The following ARL6IP5 variants were observed in gnomAD, a reference collection of about 807,000 sequenced individuals.
ARL6IP5 encodes the protein ARF like GTPase 6 interacting protein 5, also known as PRA1 family protein 3.
In ARL6IP5, 6 loss-of-function variants were observed where a neutral mutation model predicts 13.0. That is an observed-to-expected ratio of 0.46 (90% CI 0.25 to 0.91). The LOEUF is 0.91. Ranked by LOEUF, ARL6IP5 falls within the 40% of genes least tolerant of loss-of-function variation. ARL6IP5 has a pLI of 0.17. For synonymous variants in ARL6IP5, 91 were observed against 91.9 expected, an observed-to-expected ratio of 0.99 and a Z score of 0.06; for missense variants, 208 against 248.8, an observed-to-expected ratio of 0.84 and a Z score of 1.10.
At chr3:69,102,502 T>A (rs2092308876) in intron 2 of ARL6IP5, among the ~76,000 whole-genome samples, 1 of 152,158 alleles carries the variant, frequency 6.6e-6, no homozygotes, top group South Asian at 2.1e-4. Context: ...TTGAGTGATC[T>A]AGCTTCCTTG....
intron 1 of ARL6IP5, among the ~76,000 whole-genome samples, chr3:69,097,206 G>A (rs1216254480): frequency 6.6e-6 from 1 of 151,984 alleles, no homozygotes; most frequent in African/African-American, 2.4e-5. Flanking sequence ...TGTTACCCAG[G>A]CTAGAGTATA....
intron 1 of ARL6IP5, among the ~76,000 whole-genome samples, chr3:69,093,669 G>A (rs2092277105): frequency 1.3e-5 from 2 of 151,910 alleles, no homozygotes; most frequent in African/African-American, 4.8e-5. Context: ...GGCTGAGGCA[G>A]GAGAATTGTT....
chr3:69,101,569 C>A (rs1279447767), intron 1 of ARL6IP5, among the ~76,000 whole-genome samples: 2 of 151,994 alleles, frequency 1.3e-5, no homozygotes, highest in South Asian at 2.1e-4. Flanking sequence ...GATCCTCCCA[C>A]CTTGGCCTCT....
intron 1 of ARL6IP5, among the ~76,000 whole-genome samples, chr3:69,092,717 A>G (rs1169643813): frequency 6.6e-6 from 1 of 151,752 alleles, no homozygotes; most frequent in Non-Finnish European, 1.5e-5. Context: ...ACGGGGTTTC[A>G]CCATGTTGGC....
chr3:69,102,479 C>T (rs1376388539), intron 2 of ARL6IP5, among the ~76,000 whole-genome samples: 10 of 152,124 alleles, frequency 6.6e-5, no homozygotes, highest in Admixed American at 3.9e-4. Flanking sequence ...AGGCTGATCT[C>T]GGACTCCCAA....
At position 69,085,036 on chromosome 3, in the gene ARL6IP5, A is replaced by T. The variant is rs368886970; in HGVS notation, c.-12A>T. The T allele has an allele frequency of 6.2e-7, 1 of 1,611,344 alleles. No individual in the cohort carries two copies. Among genetic ancestry groups the T allele is most frequent in the South Asian group, 1.1e-5 (1 of 90,910 alleles). ...GCCAGATTCTGGAGGCGAAGAACGC[A>T]AAGCTGAGAACATGGACGTTAATAT... is the stretch of plus-strand genomic sequence containing the variant. On this transcript the variant is annotated 5_prime_UTR_variant, in exon 1 of 3. Transcript: ENST00000273258.
At chr3:69,104,073 G>A (rs1019688790) in intron 2 of ARL6IP5, among the ~76,000 whole-genome samples, 2 of 152,088 alleles carry the variant, frequency 1.3e-5, no homozygotes, top group Non-Finnish European at 2.9e-5. Flanking sequence ...ATCCCGAATC[G>A]AGCAAGAGTT....
chr3:69,091,654 C>CTT (rs529198443), intron 1 of ARL6IP5, among the ~76,000 whole-genome samples: 12 of 105,748 alleles, frequency 1.1e-4, no homozygotes, highest in Non-Finnish European at 1.3e-4. Flanking sequence ...CTCCGTCCAG[C>CTT]TTTTTTTTTT....
chr3:69,099,120 G>T, intron 1 of ARL6IP5, among the ~76,000 whole-genome samples: 1 of 111,804 alleles, frequency 8.9e-6, no homozygotes, highest in East Asian at 3.1e-4. Context: ...ACTTTGGGAG[G>T]CTGAGGGGCG....
chr3:69,085,184 A>G lies in ARL6IP5; in HGVS notation c.137A>G (p.Asn46Ser), dbSNP rs1181287066. 7 of 1,613,948 alleles carry G rather than the reference A, an allele frequency of 4.3e-6. No individual in the cohort carries two copies. The highest frequency in any genetic ancestry group is 5.9e-6 in the Non-Finnish European group (7 of 1,179,976). Reference protein sequence around the residue: ...VVSNLLYYQTNYLVVAAMMIS... With the variant: ...VVSNLLYYQTSYLVVAAMMIS... ...AGCAACCTGCTCTATTACCAGACCA[A>G]CTACCTGGTGGTGGCTGCCATGATG... Residue 46 changes from asparagine (N) to serine (S), a missense_variant, in exon 1 of 3, where the codon AAC (asparagine) becomes AGC (serine). By Grantham distance (46) the Asn-to-Ser change is conservative. Coordinates refer to ENST00000273258, the MANE Select transcript of ARL6IP5 (RefSeq NM_006407.4).
intron 1 of ARL6IP5, 50 bp from the exon 2 acceptor site, chr3:69,101,789 C>A (rs778172947): frequency 5.4e-6 from 8 of 1,477,574 alleles, no homozygotes; most frequent in Non-Finnish European, 7.5e-6. Context: ...CCTTTTGCTA[C>A]TTCTATTGCT....
chr3:69,094,935 C>G (rs1006593356), intron 1 of ARL6IP5, among the ~76,000 whole-genome samples: 3 of 152,024 alleles, frequency 2.0e-5, no homozygotes, highest in African/African-American at 7.2e-5. Flanking sequence ...GACATAGCTA[C>G]TGAATCACGT....
In ARL6IP5 at chr3:69,105,610, A is replaced by G. The variant is rs1256853064; in HGVS notation, c.*974A>G. The G allele has an allele frequency of 6.6e-6, 1 of 152,232 alleles. No individual in the cohort carries two copies. Among genetic ancestry groups the G allele is most frequent in the Non-Finnish European group, 1.5e-5 (1 of 68,040 alleles). The allele number at this position is 152,232 out of a possible 1,614,324, so 9.4% of individuals were successfully genotyped here. On this transcript the variant is annotated 3_prime_UTR_variant, in exon 3 of 3. Coordinates refer to ENST00000273258, the MANE Select transcript of ARL6IP5 (RefSeq NM_006407.4). ...TTAGATGACCAAGCAAAAAGACTTT[A>G]AAAAATGGTAATGAAAATGGAATGC...
chr3:69,101,794 A>G (rs758568285), intron 1 of ARL6IP5, 45 bp from the exon 2 acceptor site: 23 of 1,509,188 alleles, frequency 1.5e-5, no homozygotes, highest in Admixed American at 5.5e-5. Context: ...TGCTACTTCT[A>G]TTGCTGAACT....
At chr3:69,093,870 C>T (rs959509906) in intron 1 of ARL6IP5, among the ~76,000 whole-genome samples, 29 of 152,110 alleles carry the variant, frequency 1.9e-4, no homozygotes, top group African/African-American at 7.0e-4. Context: ...AGGAAGGTCA[C>T]TTGAGTGTGG....
chr3:69,101,035 T>G (rs1194146700), intron 1 of ARL6IP5, among the ~76,000 whole-genome samples: 1 of 151,982 alleles, frequency 6.6e-6, no homozygotes, highest in Admixed American at 6.6e-5. Context: ...CAAGTAAAAG[T>G]TTTTTAAAAC....
intron 1 of ARL6IP5, among the ~76,000 whole-genome samples, chr3:69,096,819 G>A (rs1365377992): frequency 6.6e-6 from 1 of 151,868 alleles, no homozygotes; most frequent in Non-Finnish European, 1.5e-5. Context: ...GACCAGGATG[G>A]TCTTGATCTC....
chr3:69,104,171 T>C (rs561384129), intron 2 of ARL6IP5, among the ~76,000 whole-genome samples: 2 of 152,284 alleles, frequency 1.3e-5, no homozygotes, highest in South Asian at 4.1e-4. Flanking sequence ...TTAAGTAGCA[T>C]CTGCAAGGTG....
intron 1 of ARL6IP5, among the ~76,000 whole-genome samples, chr3:69,091,058 C>T (rs1051617424): frequency 5.3e-5 from 8 of 151,958 alleles, no homozygotes; most frequent in Admixed American, 2.0e-4. Flanking sequence ...ATTAGCCTGG[C>T]GTGGTGGCAT....
Sources: allele counts gnomAD v4.1 joint callset (sites outside exome capture counted in the v4.1 genomes callset), GRCh38; gene constraint gnomAD v4.1.1; transcripts MANE v1.5; gene names NCBI Gene and HGNC (gene_info 2026-07-23, HGNC 2026-07-21).